TMEM132C: variants seen among roughly 807,000 people sequenced by gnomAD.
TMEM132C encodes protein phosphatase 1, regulatory subunit 152.
TMEM132C carries 29 observed loss-of-function variants against 61.4 expected under a neutral mutation model. That is an observed-to-expected ratio of 0.47 (90% CI 0.35 to 0.64). The LOEUF (loss-of-function observed/expected upper bound fraction) is 0.64, where lower values mean the gene tolerates loss of function less well. Ranked by LOEUF, TMEM132C falls within the 30% of genes least tolerant of loss-of-function variation. The probability of loss-of-function intolerance (pLI) is 0.00; values close to 1 mark genes in which losing one functional copy is unlikely to be tolerated. For missense variants in TMEM132C, 1,408 were observed against 1,476.9 expected (o/e 0.95, Z 0.76); for synonymous variants, 656 against 633.1 (o/e 1.04, Z -0.54).
At chr12:128,693,794 C>T (rs1954736925) in intron 5 of TMEM132C, 35 bp from the exon 6 acceptor site, 1 of 1,549,908 alleles carries the variant, frequency 6.5e-7, no homozygotes, top group Non-Finnish European at 8.7e-7. Flanking sequence ...GCTCCATGAA[C>T]TTCTCCTCCA....
intron 2 of TMEM132C, among the ~76,000 whole-genome samples, chr12:128,518,243 A>G (rs2136125235): frequency 6.6e-6 from 1 of 152,370 alleles, no homozygotes; most frequent in South Asian, 2.1e-4. Flanking sequence ...AATTAATGAG[A>G]TGGAAATAGA....
At chr12:128,536,315 C>A (rs1487164744) in intron 2 of TMEM132C, among the ~76,000 whole-genome samples, 1 of 152,062 alleles carries the variant, frequency 6.6e-6, no homozygotes, top group Non-Finnish European at 1.5e-5. Context: ...ACCGCATGTT[C>A]TCACTCATAG....
At chr12:128,585,233 A>G (rs1411866103) in intron 3 of TMEM132C, among the ~76,000 whole-genome samples, 2 of 152,290 alleles carry the variant, frequency 1.3e-5, no homozygotes, top group Non-Finnish European at 2.9e-5. Flanking sequence ...CTGTAATCTA[A>G]TGCCATCTCT....
chr12:128,442,196 A>T (rs1869820487), intron 2 of TMEM132C, among the ~76,000 whole-genome samples: 1 of 151,952 alleles, frequency 6.6e-6, no homozygotes, highest in African/African-American at 2.4e-5. Context: ...CCTCGTCATC[A>T]CTTGCTCCCT....
At chr12:128,448,376 C>T (rs1565939387) in intron 2 of TMEM132C, among the ~76,000 whole-genome samples, 1 of 152,198 alleles carries the variant, frequency 6.6e-6, no homozygotes, top group Non-Finnish European at 1.5e-5. Flanking sequence ...CTTGGCCGGG[C>T]TCACTCATTT....
chr12:128,355,226 G>A (rs951955926), intron 1 of TMEM132C, among the ~76,000 whole-genome samples: 12 of 152,158 alleles, frequency 7.9e-5, no homozygotes, highest in African/African-American at 1.2e-4. Flanking sequence ...GACACCAAGA[G>A]GATGAGCAGG....
chr12:128,444,469 C>T (rs1349422587), intron 2 of TMEM132C, among the ~76,000 whole-genome samples: 1 of 152,134 alleles, frequency 6.6e-6, no homozygotes, highest in African/African-American at 2.4e-5. Context: ...TAAAGATGCC[C>T]TTGATGTTTG....
intron 4 of TMEM132C, among the ~76,000 whole-genome samples, chr12:128,668,440 A>C (rs749075734): frequency 6.6e-6 from 1 of 152,178 alleles, no homozygotes; most frequent in Non-Finnish European, 1.5e-5. Flanking sequence ...AAAAAAGAAA[A>C]AGAAAGTAAT....
chr12:128,363,395 A>G (rs919503252), intron 1 of TMEM132C, among the ~76,000 whole-genome samples: 5 of 152,226 alleles, frequency 3.3e-5, no homozygotes, highest in Non-Finnish European at 5.9e-5. Context: ...AATCACTGGA[A>G]CATGAGGCCT....
chr12:128,661,877 G>A (rs959394037), intron 4 of TMEM132C, among the ~76,000 whole-genome samples: 4 of 152,132 alleles, frequency 2.6e-5, no homozygotes, highest in East Asian at 1.9e-4. Context: ...TATGTAAAAC[G>A]TGCTTTTGTA....
intron 1 of TMEM132C, among the ~76,000 whole-genome samples, chr12:128,394,703 A>G (rs544120576): frequency 1.8e-4 from 28 of 152,252 alleles, no homozygotes; most frequent in African/African-American, 6.5e-4. Flanking sequence ...AAGAACAAGT[A>G]GGGAAAAAAT....
intron 3 of TMEM132C, among the ~76,000 whole-genome samples, chr12:128,550,699 C>T (rs1874143915): frequency 6.6e-6 from 1 of 152,174 alleles, no homozygotes; most frequent in Non-Finnish European, 1.5e-5. Flanking sequence ...AGCCTGCTCT[C>T]CAAATATAGT....
At chr12:128,300,637 G>A (rs1323639986) in intron 1 of TMEM132C, among the ~76,000 whole-genome samples, 1 of 152,068 alleles carries the variant, frequency 6.6e-6, no homozygotes, top group East Asian at 1.9e-4. Flanking sequence ...AAGAACCAGG[G>A]GTGGACACTC....
At chr12:128,699,399 A>T (rs1954788227) in intron 8 of TMEM132C, among the ~76,000 whole-genome samples, 1 of 152,096 alleles carries the variant, frequency 6.6e-6, no homozygotes, top group South Asian at 2.1e-4. Flanking sequence ...CTGCTTCTAG[A>T]ATTATTTGGG....
intron 2 of TMEM132C, among the ~76,000 whole-genome samples, chr12:128,417,348 C>T (rs569015315): frequency 4.6e-5 from 7 of 152,230 alleles, no homozygotes; most frequent in African/African-American, 1.7e-4. Flanking sequence ...CTAGCGTCTA[C>T]CAGGGTGAGC....
chr12:128,677,026 C>G (rs2135637186), intron 5 of TMEM132C, among the ~76,000 whole-genome samples: 1 of 152,278 alleles, frequency 6.6e-6, no homozygotes, highest in Middle Eastern at 3.4e-3. Flanking sequence ...ATGACTTGCC[C>G]AACAATAACC....
chr12:128,445,301 A>G (rs1307302501), intron 2 of TMEM132C, among the ~76,000 whole-genome samples: 1 of 152,230 alleles, frequency 6.6e-6, no homozygotes, highest in Non-Finnish European at 1.5e-5. Context: ...GAACAAAGCA[A>G]CATTAAAAGA....
intron 1 of TMEM132C, among the ~76,000 whole-genome samples, chr12:128,293,741 CAA>C (rs1313666692): frequency 6.6e-6 from 1 of 152,062 alleles, no homozygotes; most frequent in Admixed American, 6.6e-5. Context: ...TTCTTTATGG[CAA>C]AGAGTGAGCA....
intron 1 of TMEM132C, among the ~76,000 whole-genome samples, chr12:128,336,423 T>C (rs1163872646): frequency 6.6e-6 from 1 of 152,216 alleles, no homozygotes; most frequent in Admixed American, 6.5e-5. Flanking sequence ...AGAATGTCTC[T>C]AGTTAAGTAA....
Sources: allele counts gnomAD v4.1 joint callset (sites outside exome capture counted in the v4.1 genomes callset), GRCh38; gene constraint gnomAD v4.1.1; transcripts MANE v1.5; gene names NCBI Gene and HGNC (gene_info 2026-07-23, HGNC 2026-07-21).